The following TLK2 variants were observed in gnomAD, a reference collection of about 807,000 sequenced individuals.
TLK2 encodes tousled like kinase 2, also known as serine/threonine-protein kinase tousled-like 2.
In TLK2, 6 loss-of-function variants were observed where a neutral mutation model predicts 117.3. That is an observed-to-expected ratio of 0.05 (90% CI 0.03 to 0.10). The LOEUF is 0.10. Ranked by LOEUF, TLK2 falls within the 10% of genes least tolerant of loss-of-function variation. The pLI is 1.00. For missense variants in TLK2, 299 were observed against 901.2 expected (o/e 0.33, Z 8.56); for synonymous variants, 257 against 316.7 (o/e 0.81, Z 2.00).
At chr17:62,492,544 G>A (rs1215135001) in intron 2 of TLK2, among the ~76,000 whole-genome samples, 3 of 151,630 alleles carry the variant, frequency 2.0e-5, no homozygotes, top group African/African-American at 4.8e-5. Context: ...TGTGATCTCC[G>A]CCTCCCAGGT....
At chr17:62,587,535 C>G (rs544027353) in intron 16 of TLK2, among the ~76,000 whole-genome samples, 1 of 152,258 alleles carries the variant, frequency 6.6e-6, no homozygotes, top group South Asian at 2.1e-4. Flanking sequence ...CTCTATACCT[C>G]TTGTTCATCA....
At chr17:62,480,159 T>TGCA (rs2071458894) in intron 1 of TLK2, among the ~76,000 whole-genome samples, 1 of 152,268 alleles carries the variant, frequency 6.6e-6, no homozygotes, top group Non-Finnish European at 1.5e-5. Flanking sequence ...GTTGTTGGAT[T>TGCA]GCAGAGGAGA....
chr17:62,534,747 A>G (rs1020160385), intron 6 of TLK2, among the ~76,000 whole-genome samples: 7 of 152,006 alleles, frequency 4.6e-5, no homozygotes, highest in Non-Finnish European at 8.8e-5. Context: ...ATAACGTTTA[A>G]TATGAGAATG....
chr17:62,564,312 C>G (rs2079548297), intron 10 of TLK2, among the ~76,000 whole-genome samples: 1 of 151,904 alleles, frequency 6.6e-6, no homozygotes. Flanking sequence ...CCAAGGCGGG[C>G]AAATCATGAG....
chr17:62,479,732 T>G (rs1181715540), intron 1 of TLK2, among the ~76,000 whole-genome samples: 3 of 152,216 alleles, frequency 2.0e-5, no homozygotes, highest in South Asian at 4.1e-4. Flanking sequence ...CCCGCTGGAA[T>G]TAGACGGAGT....
chr17:62,566,522 A>G (rs191543192), intron 11 of TLK2, among the ~76,000 whole-genome samples: 8 of 152,308 alleles, frequency 5.3e-5, no homozygotes, highest in African/African-American at 1.9e-4. Flanking sequence ...CTTTCAAGTC[A>G]AAGAATACCT....
chr17:62,568,664 A>G (rs1434032363), intron 11 of TLK2, among the ~76,000 whole-genome samples: 3 of 151,708 alleles, frequency 2.0e-5, no homozygotes, highest in Non-Finnish European at 4.4e-5. Flanking sequence ...GGCTCACTGC[A>G]ACCTCTGCCT....
At chr17:62,522,053 A>ACC (rs2076081927) in intron 3 of TLK2, 151 bp from the exon 4 acceptor site, 2 of 812,888 alleles carry the variant, frequency 2.5e-6, no homozygotes, top group African/African-American at 1.7e-5. Context: ...ACTCTTTGTT[A>ACC]TACTCAGTTT....
At chr17:62,553,473 A>G (rs2146223708) in intron 8 of TLK2, 190 bp from the exon 9 acceptor site, 2 of 569,696 alleles carry the variant, frequency 3.5e-6, no homozygotes, top group Non-Finnish European at 6.4e-6. Context: ...AGTGGGACAT[A>G]AGGAACCCAG....
intron 7 of TLK2, among the ~76,000 whole-genome samples, chr17:62,541,559 T>C (rs2077535428): frequency 6.6e-6 from 1 of 152,270 alleles, no homozygotes; most frequent in South Asian, 2.1e-4. Flanking sequence ...ATTTGATCTT[T>C]TAAATGTTTA....
At chr17:62,541,681 A>G (rs1004210765) in intron 7 of TLK2, among the ~76,000 whole-genome samples, 3 of 152,034 alleles carry the variant, frequency 2.0e-5, no homozygotes, top group Admixed American at 6.6e-5. Flanking sequence ...TACAGGTGCA[A>G]TCATAGCATT....
intron 6 of TLK2, among the ~76,000 whole-genome samples, chr17:62,533,174 A>C (rs2076857719): frequency 6.6e-6 from 1 of 151,204 alleles, no homozygotes; most frequent in Non-Finnish European, 1.5e-5. Context: ...GATTTAATAA[A>C]TTATTTATAT....
At chr17:62,512,970 C>G (rs1199268071) in intron 2 of TLK2, among the ~76,000 whole-genome samples, 1 of 150,836 alleles carries the variant, frequency 6.6e-6, no homozygotes, top group African/African-American at 2.4e-5. Context: ...CCTCTGCCTC[C>G]CAGGTTCAAG....
chr17:62,486,752 C>T (rs1412128295), intron 2 of TLK2, among the ~76,000 whole-genome samples: 2 of 152,140 alleles, frequency 1.3e-5, no homozygotes, highest in Admixed American at 1.3e-4. Context: ...ACTGTTCCAA[C>T]AGTACAACAA....
intron 11 of TLK2, among the ~76,000 whole-genome samples, chr17:62,571,222 T>A (rs770348049): frequency 2.6e-5 from 4 of 152,198 alleles, no homozygotes; most frequent in African/African-American, 7.2e-5. Flanking sequence ...GATACCAAAA[T>A]CCATGGATGC....
At chr17:62,584,809 C>G (rs2081492462) in intron 15 of TLK2, among the ~76,000 whole-genome samples, 1 of 152,064 alleles carries the variant, frequency 6.6e-6, no homozygotes, top group South Asian at 2.1e-4. Context: ...CAGTGCTTAT[C>G]CAGAGAAACT....
intron 16 of TLK2, among the ~76,000 whole-genome samples, chr17:62,595,921 CT>C (rs2082446251): frequency 6.6e-6 from 1 of 151,854 alleles, no homozygotes; most frequent in Non-Finnish European, 1.5e-5. Context: ...GATGTATCAG[CT>C]TTAGAGGAGG....
At chr17:62,566,069 A>T (rs188432480) in intron 11 of TLK2, among the ~76,000 whole-genome samples, 334 of 152,310 alleles carry the variant, frequency 2.2e-3, no homozygotes, top group Non-Finnish European at 3.8e-3. Flanking sequence ...ATTTATTCCA[A>T]TGAGGGAATT....
At chr17:62,533,349 T>C (rs2145778873) in intron 6 of TLK2, among the ~76,000 whole-genome samples, 2 of 151,442 alleles carry the variant, frequency 1.3e-5, no homozygotes, top group Middle Eastern at 6.8e-3. Context: ...TGTTCCCATA[T>C]GGTGTATTCC....
Sources: gnomAD v4.1 joint callset for allele counts (sites outside exome capture counted in the v4.1 genomes callset) on GRCh38, gnomAD v4.1.1 for gene constraint, MANE v1.5 for transcripts, NCBI Gene and HGNC (gene_info 2026-07-23, HGNC 2026-07-21) for gene names.